FSD1L: variants seen among roughly 807,000 people sequenced by gnomAD.
FSD1L encodes the protein FSD1-like protein.
A neutral mutation model predicts 71.6 loss-of-function variants in FSD1L; 45 were observed. The ratio of observed to expected loss-of-function variants is 0.63; its 90% CI spans 0.49 to 0.81. The LOEUF is 0.81. FSD1L is among the 30% of genes least tolerant of loss of function. FSD1L has a pLI of 0.00. For synonymous variants in FSD1L, 197 were observed against 207.2 expected (o/e 0.95, Z 0.42); for missense variants, 561 against 618.1 (o/e 0.91, Z 0.98).
chr9:105,507,194 G>C (rs1834106740), intron 8 of FSD1L, among the ~76,000 whole-genome samples: 1 of 152,144 alleles, frequency 6.6e-6, no homozygotes, highest in East Asian at 1.9e-4. Flanking sequence ...AGCTTTTACT[G>C]TTTCAAGATT....
chr9:105,481,316 G>C (rs1386916583), intron 6 of FSD1L, among the ~76,000 whole-genome samples: 1 of 144,032 alleles, frequency 6.9e-6, no homozygotes, highest in Non-Finnish European at 1.5e-5. Flanking sequence ...ACAGAGTCTT[G>C]CTCAGTTGCC....
At chr9:105,511,366 C>A (rs2131375143) in intron 9 of FSD1L, among the ~76,000 whole-genome samples, 1 of 152,130 alleles carries the variant, frequency 6.6e-6, no homozygotes, top group East Asian at 1.9e-4. Flanking sequence ...TATTCTTTCT[C>A]AAAAATGTAG....
chr9:105,528,697 A>G (rs752593352), intron 10 of FSD1L, among the ~76,000 whole-genome samples: 3 of 152,216 alleles, frequency 2.0e-5, no homozygotes, highest in Non-Finnish European at 2.9e-5. Flanking sequence ...ATCCTAGGCA[A>G]TACCATTCAG....
chr9:105,495,701 G>A (rs1013296855), intron 7 of FSD1L, among the ~76,000 whole-genome samples: 5 of 152,336 alleles, frequency 3.3e-5, no homozygotes, highest in East Asian at 3.9e-4. Flanking sequence ...TTTGGGCCGG[G>A]CGCGGTGGCT....
At position 105,472,002 on chromosome 9, in the gene FSD1L, A is replaced by G; in HGVS notation, c.438A>G (p.Ser146=). 7.0e-7 allele frequency: 1 copy of G among 1,430,294 alleles called. No homozygotes were observed. The highest frequency in any genetic ancestry group is 2.9e-5 in the East Asian group (1 of 33,976). 88.6% of individuals were successfully genotyped at this position (1,430,294 alleles called of 1,614,324 possible). ...ATATAAAGGAACCTGAAGAATTTTC[A>G]AAGGTACACAAAAACTGCATTAATA... ...SLDIKEPEEF[S]KAARQIKDRV... The change falls in exon 5 of 14, where the codon TCA becomes TCG. Residue 146 remains serine, a synonymous_variant. Coordinates refer to ENST00000481272, the MANE Select transcript of FSD1L (RefSeq NM_001145313.3).
chr9:105,527,753 C>T (rs1835610121), intron 10 of FSD1L, among the ~76,000 whole-genome samples: 1 of 151,484 alleles, frequency 6.6e-6, no homozygotes, highest in African/African-American at 2.4e-5. Context: ...GATGCCCTCT[C>T]TCACCACTCC....
intron 5 of FSD1L, among the ~76,000 whole-genome samples, chr9:105,477,512 A>G (rs1831884217): frequency 6.6e-6 from 1 of 152,196 alleles, no homozygotes; most frequent in African/African-American, 2.4e-5. Context: ...CTGTGAGAAA[A>G]AGCAGAAAGT....
chr9:105,458,889 A>T (rs1157139166), intron 1 of FSD1L, among the ~76,000 whole-genome samples: 3 of 152,180 alleles, frequency 2.0e-5, no homozygotes, highest in African/African-American at 7.2e-5. Context: ...AGGAGAGGAG[A>T]TAGTGATGAT....
At chr9:105,451,182 A>G (rs113959623) in intron 1 of FSD1L, among the ~76,000 whole-genome samples, 1,810 of 151,904 alleles carry the variant, frequency 0.012, 53 homozygotes, top group African/African-American at 0.042. Flanking sequence ...GATGGTCTCT[A>G]TCTTCTGACC....
chr9:105,454,419 G>T (rs887472605), intron 1 of FSD1L, among the ~76,000 whole-genome samples: 4 of 152,102 alleles, frequency 2.6e-5, no homozygotes, highest in Non-Finnish European at 4.4e-5. Flanking sequence ...TTGTAGCCAA[G>T]TCTCTGCTTA....
intron 1 of FSD1L, among the ~76,000 whole-genome samples, chr9:105,460,231 G>T (rs1312143630): frequency 6.6e-6 from 1 of 152,156 alleles, no homozygotes; most frequent in Admixed American, 6.5e-5. Context: ...GGCCAATACA[G>T]TTGAAAAGGG....
At position 105,524,071 on chromosome 9, in the gene FSD1L, T is replaced by A. The variant is rs572070357; in HGVS notation, c.1026-10422T>A. On this transcript the variant is annotated intron_variant, in intron 10 of 13. Transcript: ENST00000481272. Reference sequence around the variant, plus strand: ...CAGTTTACAGATGTTAAGGAACTTATAATCAAAACTGTATTAAGCTCGGCA... The same window carrying A: ...CAGTTTACAGATGTTAAGGAACTTAAAATCAAAACTGTATTAAGCTCGGCA... The A allele has an allele frequency of 5.2e-3, 8,435 of 1,610,536 alleles. 31 individuals are homozygous for A. The highest frequency in any genetic ancestry group is 6.5e-3 in the Non-Finnish European group (7,696 of 1,178,418).
chr9:105,523,874 C>G (rs572609530), intron 10 of FSD1L: 1 of 1,593,642 alleles, frequency 6.3e-7, no homozygotes. Flanking sequence ...TGCCTGGTGC[C>G]ACAATGCTTA....
At chr9:105,464,674 TAGA>T (rs1230267117) in intron 3 of FSD1L, among the ~76,000 whole-genome samples, 2 of 152,030 alleles carry the variant, frequency 1.3e-5, no homozygotes, top group South Asian at 2.1e-4. Flanking sequence ...CAATAAACAA[TAGA>T]AGAAAAATTT....
At chr9:105,451,702 A>G (rs1250567601) in intron 1 of FSD1L, among the ~76,000 whole-genome samples, 2 of 152,168 alleles carry the variant, frequency 1.3e-5, no homozygotes, top group Admixed American at 6.5e-5. Flanking sequence ...TTGATACTCA[A>G]ACCTTTTGAT....
rs1554713459 is a variant in FSD1L, at chr9:105,520,085, C to CAGCTGT, written c.1025+7149_1025+7150insAGCTGT. 2.0e-5 allele frequency: 32 copies of CAGCTGT among 1,569,138 alleles called. No individual in the cohort carries two copies. The African/African-American group carries it at 4.0e-4, about 20-fold the overall frequency. On this transcript the variant is annotated intron_variant, in intron 10 of 13. Coordinates refer to ENST00000481272, the MANE Select transcript of FSD1L (RefSeq NM_001145313.3). ...CCCTCCACTTTCTGCCGCTGGGAGC[C>CAGCTGT]GGCTGTGGCAGTGGCAGTGGCAGTG...
At chr9:105,499,545 C>T (rs1029848482) in intron 7 of FSD1L, among the ~76,000 whole-genome samples, 4 of 151,710 alleles carry the variant, frequency 2.6e-5, no homozygotes, top group Admixed American at 1.3e-4. Flanking sequence ...AGAATTGCTC[C>T]TCTATAGGTA....
intron 10 of FSD1L, chr9:105,521,682 G>T: frequency 6.2e-7 from 1 of 1,613,436 alleles, no homozygotes; most frequent in Admixed American, 1.7e-5. Context: ...TTCAATGGAA[G>T]AAGGAGAAAA....
chr9:105,520,703 G>A, intron 10 of FSD1L: 1 of 1,613,402 alleles, frequency 6.2e-7, no homozygotes, highest in Non-Finnish European at 8.5e-7. Context: ...AGCTCTGGAT[G>A]TTTTCATGCT....
Sources: allele counts gnomAD v4.1 joint callset (sites outside exome capture counted in the v4.1 genomes callset), GRCh38; gene constraint gnomAD v4.1.1; transcripts MANE v1.5; gene names NCBI Gene and HGNC (gene_info 2026-07-23, HGNC 2026-07-21).